Variants in CCDC38 observed in about 807,000 individuals in gnomAD.
The protein encoded by CCDC38 is coiled-coil domain containing 38.
Under a neutral mutation model 72.8 loss-of-function variants are expected in CCDC38, and 69 were observed. The ratio of observed to expected loss-of-function variants is 0.95; its 90% CI spans 0.78 to 1.16. The LOEUF is 1.16. Among genes scored for constraint, CCDC38 ranks in the 50% most tolerant of loss-of-function variants. CCDC38 has a pLI of 0.00. For synonymous variants in CCDC38, 201 were observed against 213.2 expected (o/e 0.94, Z 0.50); for missense variants, 626 against 638.9 (o/e 0.98, Z 0.22).
chr12:95,881,644 C>A, intron 10 of CCDC38, 90 bp from the exon 11 acceptor site: 1 of 947,838 alleles, frequency 1.1e-6, no homozygotes, highest in South Asian at 1.5e-5. Context: ...GTCGTTGGAA[C>A]CCAACTGTAA....
At chr12:95,899,622 C>T (rs567941184) in intron 5 of CCDC38, among the ~76,000 whole-genome samples, 1 of 151,930 alleles carries the variant, frequency 6.6e-6, no homozygotes, top group East Asian at 1.9e-4. Context: ...TAATACCATG[C>T]AGGAAAAAAT....
At chr12:95,920,208 T>G (rs1004577029) in intron 2 of CCDC38, among the ~76,000 whole-genome samples, 3 of 152,126 alleles carry the variant, frequency 2.0e-5, no homozygotes, top group Admixed American at 1.3e-4. Context: ...GAGGGGTTCT[T>G]TCTTGTGCTG....
intron 2 of CCDC38, among the ~76,000 whole-genome samples, chr12:95,921,236 CT>C (rs1478045026): frequency 6.6e-6 from 1 of 152,082 alleles, no homozygotes; most frequent in Non-Finnish European, 1.5e-5. Context: ...CTTTCTCTCT[CT>C]TTATTTCTTT....
At chr12:95,876,777 C>T (rs1347074854) in intron 13 of CCDC38, among the ~76,000 whole-genome samples, 2 of 152,166 alleles carry the variant, frequency 1.3e-5, no homozygotes, top group African/African-American at 2.4e-5. Flanking sequence ...CAGTCTTCTT[C>T]TGATGCAGTT....
chr12:95,892,116 A>C (rs1592768382), intron 8 of CCDC38, among the ~76,000 whole-genome samples: 2 of 115,064 alleles, frequency 1.7e-5, no homozygotes, highest in African/African-American at 3.6e-5. Context: ...ACGGAGTCTC[A>C]CTCTGCTTTA....
intron 14 of CCDC38, among the ~76,000 whole-genome samples, chr12:95,871,198 C>T (rs2079577345): frequency 6.6e-6 from 1 of 152,180 alleles, no homozygotes; most frequent in South Asian, 2.1e-4. Flanking sequence ...ACAGTAGGCC[C>T]TCCATATTCA....
At chr12:95,917,839 C>T (rs2080162750) in intron 3 of CCDC38, among the ~76,000 whole-genome samples, 1 of 149,022 alleles carries the variant, frequency 6.7e-6, no homozygotes, top group Admixed American at 6.7e-5. Flanking sequence ...CCACCGCACT[C>T]CAGCCTGGGT....
chr12:95,933,454 A>T (rs1221249255), intron 2 of CCDC38: 1 of 152,234 alleles, frequency 6.6e-6, no homozygotes, highest in Non-Finnish European at 1.5e-5. Flanking sequence ...CAACTTCATT[A>T]GTTATCAGGG....
At chr12:95,912,924 G>T (rs2080109599) in intron 4 of CCDC38, among the ~76,000 whole-genome samples, 1 of 152,066 alleles carries the variant, frequency 6.6e-6, no homozygotes, top group South Asian at 2.1e-4. Context: ...AGCCAGGCGT[G>T]GTCGTGTGTG....
chr12:95,884,108 TA>T, intron 10 of CCDC38, among the ~76,000 whole-genome samples: 1 of 152,250 alleles, frequency 6.6e-6, no homozygotes, highest in South Asian at 2.1e-4. Flanking sequence ...GAAAAAGAGA[TA>T]AAAGGCATAA....
chr12:95,928,824 A>T (rs10777753), intron 2 of CCDC38, among the ~76,000 whole-genome samples: 1 of 152,126 alleles, frequency 6.6e-6, no homozygotes, highest in African/African-American at 2.4e-5. Context: ...TGCCCCTGCT[A>T]GGGGGTGACT....
rs569730877 is a variant in CCDC38 at position 95,936,010 on chromosome 12, G to A, written c.37+463C>T. On this transcript the variant is annotated intron_variant, in intron 2 of 15. Transcript: ENST00000344280. ...GGAGAATCACTTGAACCCAGGAGGCGGAGTTTGCAGTGAACCAAGATTGCG... is the reference window on the plus strand; with the variant it reads ...GGAGAATCACTTGAACCCAGGAGGCAGAGTTTGCAGTGAACCAAGATTGCG... Among the ~76,000 whole-genome samples the A allele has an allele frequency of 3.3e-5, 5 of 152,110 alleles. No individual in the cohort carries two copies. In the South Asian group the frequency reaches 6.2e-4, roughly 19 times the overall value.
intron 2 of CCDC38, among the ~76,000 whole-genome samples, chr12:95,922,137 A>G (rs4762640): frequency 0.58 from 87,769 of 151,986 alleles, 26,660 homozygotes; most frequent in East Asian, 0.92. Flanking sequence ...AGAAACTCCA[A>G]ACACATTTTT....
In CCDC38 at chr12:95,906,974, T is replaced by TAAGG. The variant is rs2080011280; in HGVS notation, c.305-524_305-523insCCTT. The stretch of plus-strand genomic sequence containing the variant: ...TCCTAGGCAGAGGACCCTGCGGCCT[T>TAAGG]CCGCAGCGTTTGTGTCCCTGGGTAC... On this transcript the variant is annotated intron_variant, in intron 4 of 15. Coordinates refer to ENST00000344280, the MANE Select transcript of CCDC38 (RefSeq NM_182496.3). 7.9e-5 allele frequency among the ~76,000 whole-genome samples: 12 copies of TAAGG among 151,350 alleles called. No homozygotes were observed. The South Asian group carries it at 2.5e-3, about 32-fold the overall frequency.
chr12:95,922,618 C>T (rs11108337), intron 2 of CCDC38, among the ~76,000 whole-genome samples: 22,600 of 152,144 alleles, frequency 0.15, 2,010 homozygotes, highest in African/African-American at 0.24. Flanking sequence ...GCTAGGTGGA[C>T]GTCATATTTG....
chr12:95,877,758 G>A (rs2079650928), intron 13 of CCDC38, among the ~76,000 whole-genome samples: 1 of 152,166 alleles, frequency 6.6e-6, no homozygotes, highest in South Asian at 2.1e-4. Flanking sequence ...TTTTGATAAT[G>A]AGTCTATGCA....
At chr12:95,909,337 A>G (rs1004473094) in intron 4 of CCDC38, among the ~76,000 whole-genome samples, 1 of 152,190 alleles carries the variant, frequency 6.6e-6, no homozygotes, top group African/African-American at 2.4e-5. Context: ...ACAATCTCCC[A>G]AGATTGAATC....
chr12:95,913,669 T>C (rs1262920792), intron 4 of CCDC38, among the ~76,000 whole-genome samples: 1 of 152,036 alleles, frequency 6.6e-6, no homozygotes, highest in African/African-American at 2.4e-5. Flanking sequence ...GAGAGGAAAA[T>C]GATGCAATAT....
At chr12:95,878,482 A>G (rs568564053) in intron 12 of CCDC38, 136 bp from the exon 13 acceptor site, 9 of 774,756 alleles carry the variant, frequency 1.2e-5, no homozygotes, top group East Asian at 1.0e-4. Context: ...ATTTGAAGAC[A>G]TTGCCAAAGT....
Sources: gnomAD v4.1 joint callset for allele counts (sites outside exome capture counted in the v4.1 genomes callset) on GRCh38, gnomAD v4.1.1 for gene constraint, MANE v1.5 for transcripts, NCBI Gene and HGNC (gene_info 2026-07-23, HGNC 2026-07-21) for gene names.